Variants in EDIL3 observed in about 807,000 individuals in gnomAD.
The protein encoded by EDIL3 is EGF like and discoidin domains 3.
EDIL3 carries 37 observed loss-of-function variants against 67.4 expected under a neutral mutation model. That is an observed-to-expected ratio of 0.55 (90% CI 0.42 to 0.72). The LOEUF is 0.72. EDIL3 is among the 30% of genes least tolerant of loss of function. The probability of loss-of-function intolerance (pLI) is 0.00; values close to 1 mark genes in which losing one functional copy is unlikely to be tolerated. For synonymous variants in EDIL3, 195 were observed against 196.3 expected (o/e 0.99, Z 0.05); for missense variants, 527 against 586.3 (o/e 0.90, Z 1.04).
chr5:84,057,829 G>A (rs1746476653), intron 9 of EDIL3, among the ~76,000 whole-genome samples: 1 of 152,096 alleles, frequency 6.6e-6, no homozygotes, highest in Non-Finnish European at 1.5e-5. Context: ...TGCCCACCAT[G>A]TGTTAGGTTA....
At chr5:84,000,232 G>C (rs1745308901) in intron 9 of EDIL3, among the ~76,000 whole-genome samples, 1 of 152,000 alleles carries the variant, frequency 6.6e-6, no homozygotes, top group Admixed American at 6.6e-5. Context: ...GTAATAGTAA[G>C]TACACAGGCA....
intron 1 of EDIL3, among the ~76,000 whole-genome samples, chr5:84,374,693 A>G (rs565602937): frequency 1.0e-3 from 156 of 152,262 alleles, no homozygotes; most frequent in African/African-American, 3.7e-3. Flanking sequence ...GTAATCCCCA[A>G]GTGTCCAAGG....
chr5:84,225,514 T>C (rs530940020), intron 3 of EDIL3, among the ~76,000 whole-genome samples: 1 of 151,712 alleles, frequency 6.6e-6, no homozygotes, highest in African/African-American at 2.4e-5. Context: ...TAATTCAAAA[T>C]ATAAGGCAAA....
At chr5:84,025,893 C>T (rs1043736318) in intron 9 of EDIL3, among the ~76,000 whole-genome samples, 2 of 152,130 alleles carry the variant, frequency 1.3e-5, no homozygotes, top group African/African-American at 4.8e-5. Flanking sequence ...GCAGCCTTTG[C>T]CACATCACTA....
intron 1 of EDIL3, among the ~76,000 whole-genome samples, chr5:84,267,703 A>C (rs1745378162): frequency 6.6e-6 from 1 of 152,218 alleles, no homozygotes. Context: ...ATACATTTGA[A>C]TGTATTTATG....
At chr5:84,206,213 T>A (rs941076904) in intron 3 of EDIL3, among the ~76,000 whole-genome samples, 4 of 152,182 alleles carry the variant, frequency 2.6e-5, no homozygotes, top group Non-Finnish European at 5.9e-5. Context: ...TTCCATGTAG[T>A]TGAGTGGTTT....
At chr5:84,045,684 T>C (rs995498072) in intron 9 of EDIL3, among the ~76,000 whole-genome samples, 1 of 152,196 alleles carries the variant, frequency 6.6e-6, no homozygotes, top group Admixed American at 6.5e-5. Context: ...GAAGACACAC[T>C]ATGCTAAAGA....
chr5:84,051,972 C>T (rs1343422664), intron 9 of EDIL3, among the ~76,000 whole-genome samples: 1 of 152,154 alleles, frequency 6.6e-6, no homozygotes, highest in Non-Finnish European at 1.5e-5. Flanking sequence ...CACAAAGATA[C>T]TCCTCGAGAA....
At position 84,012,594 on chromosome 5, in the gene EDIL3, T is replaced by C. The variant is rs375727108; in HGVS notation, c.1137+47706A>G. On this transcript the variant is annotated intron_variant, in intron 9 of 10. Coordinates refer to ENST00000296591, the MANE Select transcript of EDIL3 (RefSeq NM_005711.5). ...ATTTGGAAAAATGCCTGCTTAATAT[T>C]ACTCTATCTAAGCTTTGTTAAACTT... Among the ~76,000 whole-genome samples, 22 of 152,256 alleles carry C rather than the reference T, an allele frequency of 1.4e-4. No individual in the cohort carries two copies. The South Asian group carries it at 4.4e-3, about 30-fold the overall frequency.
intron 9 of EDIL3, among the ~76,000 whole-genome samples, chr5:84,019,184 G>T (rs1745664088): frequency 6.6e-6 from 1 of 152,080 alleles, no homozygotes; most frequent in Admixed American, 6.6e-5. Flanking sequence ...AGAAAATGTG[G>T]CACATATACA....
At chr5:84,069,052 A>T (rs1746690736) in intron 6 of EDIL3, among the ~76,000 whole-genome samples, 1 of 152,208 alleles carries the variant, frequency 6.6e-6, no homozygotes, top group Admixed American at 6.5e-5. Flanking sequence ...TCCCTGTATG[A>T]ACTATCCCAC....
intron 3 of EDIL3, among the ~76,000 whole-genome samples, chr5:84,186,236 A>T (rs1000023821): frequency 6.6e-6 from 1 of 152,152 alleles, no homozygotes; most frequent in Non-Finnish European, 1.5e-5. Context: ...TTGTAACACT[A>T]TAAGTAATAA....
intron 10 of EDIL3, among the ~76,000 whole-genome samples, chr5:83,961,992 C>T (rs1744613761): frequency 1.3e-5 from 2 of 151,196 alleles, no homozygotes; most frequent in South Asian, 4.1e-4. Flanking sequence ...TGGGTGTGTT[C>T]TGAGATGTTA....
At chr5:84,297,523 C>A (rs1372435084) in intron 1 of EDIL3, among the ~76,000 whole-genome samples, 1 of 152,138 alleles carries the variant, frequency 6.6e-6, no homozygotes, top group African/African-American at 2.4e-5. Flanking sequence ...ACAGACCCAA[C>A]ATCAGGTCGT....
intron 3 of EDIL3, among the ~76,000 whole-genome samples, chr5:84,195,031 A>G (rs1408353953): frequency 6.6e-6 from 1 of 151,968 alleles, no homozygotes; most frequent in African/African-American, 2.4e-5. Flanking sequence ...AGGTTTGACT[A>G]CACTGTGATT....
At chr5:84,249,377 T>TTCTA (rs72278901) in intron 2 of EDIL3, among the ~76,000 whole-genome samples, 5,514 of 144,230 alleles carry the variant, frequency 0.038, 107 homozygotes, top group East Asian at 0.064. Context: ...CAACATATCT[T>TTCTA]TCTATCTATC....
intron 5 of EDIL3, among the ~76,000 whole-genome samples, chr5:84,123,187 C>T (rs141694405): frequency 6.6e-6 from 1 of 151,986 alleles, no homozygotes; most frequent in Non-Finnish European, 1.5e-5. Context: ...ATTTTCAATG[C>T]TAACATCTTC....
chr5:84,312,322 C>T (rs368130446), intron 1 of EDIL3, among the ~76,000 whole-genome samples: 9 of 140,532 alleles, frequency 6.4e-5, no homozygotes, highest in Non-Finnish European at 1.1e-4. Context: ...GGGCGGCTGG[C>T]CGGGTGGGGG....
At chr5:84,249,195 T>C (rs1348684) in intron 2 of EDIL3, among the ~76,000 whole-genome samples, 89,809 of 151,728 alleles carry the variant, frequency 0.59, 26,804 homozygotes, top group East Asian at 0.82. Context: ...CTGTCTGGAA[T>C]AGGTTTTGTT....
Sources: gnomAD v4.1 joint callset for allele counts (sites outside exome capture counted in the v4.1 genomes callset) on GRCh38, gnomAD v4.1.1 for gene constraint, MANE v1.5 for transcripts, NCBI Gene and HGNC (gene_info 2026-07-23, HGNC 2026-07-21) for gene names.